FAM181B: variants seen among roughly 807,000 people sequenced by gnomAD.
The protein encoded by FAM181B is protein FAM181B.
FAM181B carries 13 observed loss-of-function variants against 17.8 expected under a neutral mutation model. That is an observed-to-expected ratio of 0.73 (90% confidence interval 0.48 to 1.16). The LOEUF (loss-of-function observed/expected upper bound fraction) is 1.16. Among genes scored for constraint, FAM181B ranks in the 50% most tolerant of loss-of-function variants. FAM181B has a pLI of 0.00. For missense variants in FAM181B, 725 were observed against 634.1 expected (o/e 1.14, Z -1.54); for synonymous variants, 338 against 316.5 (o/e 1.07, Z -0.72).
In FAM181B at chr11:82,732,780, T is replaced by G; in HGVS notation, c.950A>C (p.Asn317Thr). 1 of 1,488,418 alleles carries G rather than the reference T, an allele frequency of 6.7e-7. No individual in the cohort carries two copies. The highest frequency in any genetic ancestry group is 2.6e-5 in the East Asian group (1 of 38,862). The allele number at this position is 1,488,418 out of a possible 1,614,324, so 92.2% of individuals were successfully genotyped here. A position where few individuals can be genotyped will look rare whatever the true frequency, so the allele number is the denominator to read the frequency against. ...LFEPPPAVVG[N>T]LLYPEPWSVP... ...GCTCCAGGGCTCGGGGTACAGTAGG[T>G]TTCCCACCACTGCCGGCGGCGGCTC... Residue 317 changes from asparagine to threonine, a missense_variant, in exon 1 of 1, where the codon AAC becomes ACC. By Grantham distance (65) the Asn-to-Thr change is moderately conservative (BLOSUM62 0). Transcript: ENST00000329203.
rs556596483 is a variant in FAM181B at position 82,731,255 on chromosome 11, T to C, written c.*1194A>G. 1 of 152,112 alleles carries C rather than the reference T, an allele frequency of 6.6e-6. No individual in the cohort carries two copies. Among genetic ancestry groups the C allele is most frequent in the African/African-American group, 2.4e-5 (1 of 41,464 alleles). 9.4% of individuals were successfully genotyped at this position (152,112 alleles called of 1,614,324 possible). ...TCACACCTTTCTTTATGCCCTTCCG[T>C]GGGGAGAGTGTGGGTATAAGGACTG... On this transcript the variant is annotated 3_prime_UTR_variant, in exon 1 of 1. Transcript: ENST00000329203.
chr11:82,730,227 A>G lies in FAM181B; in HGVS notation c.*2222T>C, dbSNP rs371621935. On this transcript the variant is annotated 3_prime_UTR_variant, in exon 1 of 1. Transcript: ENST00000329203. ...TTACAATTAGAGATGACATTTGGCTAGGGACACAGATCCAAACAGTATCAA... is the reference window on the plus strand; with the variant it reads ...TTACAATTAGAGATGACATTTGGCTGGGGACACAGATCCAAACAGTATCAA... The G allele has an allele frequency of 6.6e-6, 1 of 152,354 alleles. No homozygotes were observed. Among genetic ancestry groups the G allele is most frequent in the South Asian group, 2.1e-4 (1 of 4,832 alleles). The allele number at this position is 152,354 out of a possible 1,614,324, so 9.4% of individuals were successfully genotyped here.
chr11:82,733,239 C>T lies in FAM181B; in HGVS notation c.491G>A (p.Ser164Asn). Residue 164 changes from serine (S) to asparagine (N), a missense_variant, in exon 1 of 1, where the codon AGT (serine) becomes AAT (asparagine). Ser to Asn is a conservative substitution (Grantham distance 46). Coordinates refer to ENST00000329203, the MANE Select transcript of FAM181B (RefSeq NM_175885.4). ...CAGCGAGTCGAAGAGCGCGGCCAGA[C>T]TTCGGCTTTGCAAGCTGGCGGCCGC... The part of the protein sequence containing the change: ...AAAAASLQSR[S>N]LAALFDSLRH... 7 of 1,248,430 alleles carry T rather than the reference C, an allele frequency of 5.6e-6. No individual in the cohort carries two copies. The highest frequency in any genetic ancestry group is 6.0e-6 in the Non-Finnish European group (6 of 999,272). The allele number at this position is 1,248,430 out of a possible 1,614,324, so 77.3% of individuals were successfully genotyped here. A position where few individuals can be genotyped will look rare whatever the true frequency, so the allele number is the denominator to read the frequency against.
Position 82,733,705 on chromosome 11 carries a change from T to C in FAM181B, c.25A>G (p.Ser9Gly), listed in dbSNP as rs1309065230. The stretch of plus-strand genomic sequence containing the variant: ...CCGAAGGGCACGAAAGGGTGCGTGC[T>C]GAGGAGCGCCGCCTGCACCGCCATC... The part of the protein sequence containing the change: MAVQAALL[S>G]THPFVPFGFG... Residue 9 changes from serine to glycine, a missense_variant, in exon 1 of 1, where the codon AGC becomes GGC. Transcript: ENST00000329203. 1.4e-5 allele frequency: 20 copies of C among 1,458,166 alleles called. No individual in the cohort carries two copies. Among genetic ancestry groups the C allele is most frequent in the African/African-American group, 5.9e-5 (4 of 68,344 alleles). The allele number at this position is 1,458,166 out of a possible 1,614,324, so 90.3% of individuals were successfully genotyped here.
chr11:82,733,514 C>G lies in FAM181B; in HGVS notation c.216G>C (p.Ser72=), dbSNP rs779483783. 3 of 1,609,136 alleles carry G rather than the reference C, an allele frequency of 1.9e-6. No homozygotes were observed. Among genetic ancestry groups the G allele is most frequent in the South Asian group, 2.2e-5 (2 of 90,352 alleles). ...ATRDLLSFID[S]ASSNIKLALD... The stretch of plus-strand genomic sequence containing the variant: ...GCGCCAGCTTGATGTTGCTGGACGC[C>G]GAGTCAATGAAGCTGAGTAGATCGC... Residue 72 remains serine, a synonymous_variant, in exon 1 of 1, where the codon TCG becomes TCC. Transcript: ENST00000329203.
Position 82,732,129 on chromosome 11 carries a change from G to A in FAM181B, c.*320C>T. 2.6e-6 allele frequency: 1 copy of A among 384,216 alleles called. No individual in the cohort carries two copies. Among genetic ancestry groups the A allele is most frequent in the South Asian group, 3.7e-5 (1 of 26,842 alleles). The allele number at this position is 384,216 out of a possible 1,614,324, so 23.8% of individuals were successfully genotyped here. ...CTTCGCTGAAAAATAGAAGGGACAG[G>A]TGGCTACAGAAGCCAGCTCTTACCC... On this transcript the variant is annotated 3_prime_UTR_variant, in exon 1 of 1. Coordinates refer to ENST00000329203, the MANE Select transcript of FAM181B (RefSeq NM_175885.4).
At position 82,732,989 on chromosome 11, in the gene FAM181B, C is replaced by A; in HGVS notation, c.741G>T (p.Gly247=). The part of the protein sequence containing the change: ...RAGGGGCGPS[G]PDVSLGDLEK... ...CCAGGTCGCCCAAGCTCACGTCCGG[C>A]CCCGACGGGCCACACCCGCCGCCGC... The change falls in exon 1 of 1, where the codon GGG becomes GGT. Residue 247 remains glycine (G), a synonymous_variant. Coordinates refer to ENST00000329203, the MANE Select transcript of FAM181B (RefSeq NM_175885.4). 1 of 1,559,656 alleles carries A rather than the reference C, an allele frequency of 6.4e-7. No individual in the cohort carries two copies. The highest frequency in any genetic ancestry group is 8.6e-7 in the Non-Finnish European group (1 of 1,162,628).
chr11:82,733,187 C>A lies in FAM181B; in HGVS notation c.543G>T (p.Pro181=). Residue 181 remains proline (P), a synonymous_variant, in exon 1 of 1, where the codon CCG becomes CCT. Transcript: ENST00000329203. ...SLRHVPGGAE[P]AGGEVAAPAA... ...CCGGCGCAGCCACCTCACCCCCCGC[C>A]GGCTCGGCACCCCCGGGGACGTGGC... is the stretch of plus-strand genomic sequence containing the variant. 7.4e-7 allele frequency: 1 copy of A among 1,354,976 alleles called. No individual in the cohort carries two copies. Among genetic ancestry groups the A allele is most frequent in the Non-Finnish European group, 9.4e-7 (1 of 1,062,760 alleles). The allele number at this position is 1,354,976 out of a possible 1,614,324, so 83.9% of individuals were successfully genotyped here.
In FAM181B at chr11:82,733,089, A is replaced by C; in HGVS notation, c.641T>G (p.Ile214Ser). Residue 214 changes from isoleucine (I) to serine (S), a missense_variant, in exon 1 of 1, where the codon ATC (isoleucine) becomes AGC (serine). Ile to Ser is a moderately radical substitution (Grantham distance 142). Transcript: ENST00000329203. ...DVAGPAGATA[I>S]PGARKVPLRA... is the part of the protein sequence containing the mutation. ...CAGCGGGACCTTCCTGGCCCCTGGG[A>C]TCGCCGTGGCCCCCGCGGGGCCTGC... The C allele has an allele frequency of 6.6e-7, 1 of 1,503,890 alleles. No individual in the cohort carries two copies. The highest frequency in any genetic ancestry group is 8.8e-7 in the Non-Finnish European group (1 of 1,136,964). 93.2% of individuals were successfully genotyped at this position (1,503,890 alleles called of 1,614,324 possible). A position where few individuals can be genotyped will look rare whatever the true frequency, so the allele number is the denominator to read the frequency against.
In FAM181B at chr11:82,732,996, G is replaced by A. The variant is rs779467520; in HGVS notation, c.734C>T (p.Pro245Leu). 4 of 1,553,166 alleles carry A rather than the reference G, an allele frequency of 2.6e-6. No individual in the cohort carries two copies. The highest frequency in any genetic ancestry group is 2.4e-5 in the South Asian group (2 of 84,668). ...PSRAGGGGCG[P>L]SGPDVSLGDL... The stretch of plus-strand genomic sequence containing the variant: ...GCCCAAGCTCACGTCCGGCCCCGAC[G>A]GGCCACACCCGCCGCCGCCTGCCCG... The change falls in exon 1 of 1, where the codon CCG (proline) becomes CTG (leucine). Residue 245 changes from proline to leucine, a missense_variant. Transcript: ENST00000329203.
In FAM181B at chr11:82,733,177, C is replaced by T. The variant is rs1392483131; in HGVS notation, c.553G>A (p.Glu185Lys). 2.9e-6 allele frequency: 4 copies of T among 1,369,818 alleles called. No homozygotes were observed. The highest frequency in any genetic ancestry group is 3.8e-5 in the Admixed American group (1 of 26,612). The allele number at this position is 1,369,818 out of a possible 1,614,324, so 84.9% of individuals were successfully genotyped here. Residue 185 changes from glutamate (E) to lysine (K), a missense_variant, in exon 1 of 1, where the codon GAG becomes AAG. Coordinates refer to ENST00000329203, the MANE Select transcript of FAM181B (RefSeq NM_175885.4). ...VPGGAEPAGG[E>K]VAAPAAGLGG... ...AGCCCGGCCGCCGGCGCAGCCACCT[C>T]ACCCCCCGCCGGCTCGGCACCCCCG...
Position 82,732,588 on chromosome 11 carries a change from G to A in FAM181B, c.1142C>T (p.Ala381Val), listed in dbSNP as rs1433837630. 6.2e-7 allele frequency: 1 copy of A among 1,601,006 alleles called. No homozygotes were observed. The highest frequency in any genetic ancestry group is 1.1e-5 in the South Asian group (1 of 89,560). The stretch of plus-strand genomic sequence containing the variant: ...ATGGGGCGGCGGCGGCGGGGGCAGG[G>A]CGCAGTCTGGAAAGAAGGGGGCGAA... ...ASFAPFFPDC[A>V]LPPPPPPHQV... Residue 381 changes from alanine to valine, a missense_variant, in exon 1 of 1, where the codon GCC becomes GTC. Ala to Val is a moderately conservative substitution (Grantham distance 64). Coordinates refer to ENST00000329203, the MANE Select transcript of FAM181B (RefSeq NM_175885.4).
Position 82,732,876 on chromosome 11 carries a change from T to A in FAM181B, c.854A>T (p.Glu285Val). 6.5e-7 allele frequency: 1 copy of A among 1,538,334 alleles called. No individual in the cohort carries two copies. The highest frequency in any genetic ancestry group is 8.7e-7 in the Non-Finnish European group (1 of 1,143,986). The change falls in exon 1 of 1, where the codon GAG becomes GTG. Residue 285 changes from glutamate to valine, a missense_variant. By Grantham distance (121) the Glu-to-Val change is moderately radical. Coordinates refer to ENST00000329203, the MANE Select transcript of FAM181B (RefSeq NM_175885.4). Reference protein sequence around the residue: ...GTEAAVLLAAEPLDVFPAGAS... With the variant: ...GTEAAVLLAAVPLDVFPAGAS... ...TCCGGCGGGGAACACGTCGAGAGGCTCGGCGGCAAGCAAGACTGCCGCCTC... is the reference window on the plus strand; with the variant it reads ...TCCGGCGGGGAACACGTCGAGAGGCACGGCGGCAAGCAAGACTGCCGCCTC...
rs760568018 is a variant in FAM181B, at chr11:82,732,634, C to G, written c.1096G>C (p.Gly366Arg). The G allele has an allele frequency of 6.6e-7, 1 of 1,515,042 alleles. No individual in the cohort carries two copies. The highest frequency in any genetic ancestry group is 8.9e-7 in the Non-Finnish European group (1 of 1,129,440). The allele number at this position is 1,515,042 out of a possible 1,614,324, so 93.8% of individuals were successfully genotyped here. Residue 366 changes from glycine to arginine, a missense_variant, in exon 1 of 1, where the codon GGG becomes CGG. Transcript: ENST00000329203. The part of the protein sequence containing the change: ...AAADSPGGED[G>R]RGHLASFAPF... ...GCGAAAGAGGCCAAATGGCCCCGCC[C>G]GTCCTCCCCGCCGGGAGAATCCGCA...
rs929017826 is a variant in FAM181B, at chr11:82,730,420, A to C, written c.*2029T>G. 3 of 152,256 alleles carry C rather than the reference A, an allele frequency of 2.0e-5. No homozygotes were observed. Among genetic ancestry groups the C allele is most frequent in the Non-Finnish European group, 4.4e-5 (3 of 68,042 alleles). 9.4% of individuals were successfully genotyped at this position (152,256 alleles called of 1,614,324 possible). The stretch of plus-strand genomic sequence containing the variant: ...TAAGAAAGGAGAGGAGAATTAAGAA[A>C]CATTACAATGACACTATAGTCTTAG... On this transcript the variant is annotated 3_prime_UTR_variant, in exon 1 of 1. Transcript: ENST00000329203.
rs1335612522 is a variant in FAM181B, at chr11:82,730,804, T to G, written c.*1645A>C. 5 of 152,242 alleles carry G rather than the reference T, an allele frequency of 3.3e-5. No individual in the cohort carries two copies. The highest frequency in any genetic ancestry group is 7.3e-5 in the Non-Finnish European group (5 of 68,038). The allele number at this position is 152,242 out of a possible 1,614,324, so 9.4% of individuals were successfully genotyped here. On this transcript the variant is annotated 3_prime_UTR_variant, in exon 1 of 1. Coordinates refer to ENST00000329203, the MANE Select transcript of FAM181B (RefSeq NM_175885.4). Reference sequence around the variant, plus strand: ...ACAATACTTTTGATGTGTGCAAACATGAACCTGGATTTTTACACCTCTTGC... The same window carrying G: ...ACAATACTTTTGATGTGTGCAAACAGGAACCTGGATTTTTACACCTCTTGC...
Position 82,732,267 on chromosome 11 carries a change from A to C in FAM181B, c.*182T>G. On this transcript the variant is annotated 3_prime_UTR_variant, in exon 1 of 1. Coordinates refer to ENST00000329203, the MANE Select transcript of FAM181B (RefSeq NM_175885.4). ...TTTTGTTTTAACACTTGAGGTTGTG[A>C]TTAAACAATCCCCAACTCGTCTTCA... 1.6e-6 allele frequency: 1 copy of C among 643,532 alleles called. No homozygotes were observed. Among genetic ancestry groups the C allele is most frequent in the Admixed American group, 3.1e-5 (1 of 32,424 alleles). 39.9% of individuals were successfully genotyped at this position (643,532 alleles called of 1,614,324 possible).
chr11:82,733,200 C>T lies in FAM181B; in HGVS notation c.530G>A (p.Gly177Glu). 1.5e-6 allele frequency: 2 copies of T among 1,325,630 alleles called. No homozygotes were observed. The highest frequency in any genetic ancestry group is 1.9e-6 in the Non-Finnish European group (2 of 1,045,984). The allele number at this position is 1,325,630 out of a possible 1,614,324, so 82.1% of individuals were successfully genotyped here. The change falls in exon 1 of 1, where the codon GGG becomes GAG. Residue 177 changes from glycine (G) to glutamate (E), a missense_variant. Gly to Glu is a moderately conservative substitution (Grantham distance 98). Coordinates refer to ENST00000329203, the MANE Select transcript of FAM181B (RefSeq NM_175885.4). Reference protein sequence around the residue: ...ALFDSLRHVPGGAEPAGGEVA... With the variant: ...ALFDSLRHVPEGAEPAGGEVA... ...CTCACCCCCCGCCGGCTCGGCACCC[C>T]CGGGGACGTGGCGCAGCGAGTCGAA... is the stretch of plus-strand genomic sequence containing the variant.
chr11:82,733,218 G>C lies in FAM181B; in HGVS notation c.512C>G (p.Ser171Trp). ...QSRSLAALFDSLRHVPGGAEP... is the reference protein window; with the variant it reads ...QSRSLAALFDWLRHVPGGAEP... The stretch of plus-strand genomic sequence containing the variant: ...GGCACCCCCGGGGACGTGGCGCAGC[G>C]AGTCGAAGAGCGCGGCCAGACTTCG... The change falls in exon 1 of 1, where the codon TCG becomes TGG. Residue 171 changes from serine (S) to tryptophan (W), a missense_variant. Ser to Trp is a radical substitution (Grantham distance 177). Transcript: ENST00000329203. 7.7e-7 allele frequency: 1 copy of C among 1,295,526 alleles called. No homozygotes were observed. Among genetic ancestry groups the C allele is most frequent in the Non-Finnish European group, 9.7e-7 (1 of 1,028,270 alleles). 80.3% of individuals were successfully genotyped at this position (1,295,526 alleles called of 1,614,324 possible). A position where few individuals can be genotyped will look rare whatever the true frequency, so the allele number is the denominator to read the frequency against.
Sources: allele counts gnomAD v4.1 joint callset, GRCh38; gene constraint gnomAD v4.1.1; transcripts MANE v1.5; gene names NCBI Gene and HGNC (gene_info 2026-07-23, HGNC 2026-07-21).